DYNC1I1: variants seen among roughly 807,000 people sequenced by gnomAD.
The protein encoded by DYNC1I1 is dynein cytoplasmic 1 intermediate chain 1.
Under a neutral mutation model 86.6 loss-of-function variants are expected in DYNC1I1, and 43 were observed. The ratio of observed to expected loss-of-function variants is 0.50; its 90% CI spans 0.39 to 0.64. The LOEUF (loss-of-function observed/expected upper bound fraction) is 0.64. Among genes scored for constraint, DYNC1I1 ranks in the 30% least tolerant of loss-of-function variants. The pLI, the probability that DYNC1I1 is intolerant of heterozygous loss-of-function variation, is 0.00. For synonymous variants in DYNC1I1, 262 were observed against 283.7 expected (o/e 0.92, Z 0.77); for missense variants, 604 against 788.8 (o/e 0.77, Z 2.81).
At chr7:96,082,384 A>G (rs575971487) in intron 16 of DYNC1I1, among the ~76,000 whole-genome samples, 1 of 152,118 alleles carries the variant, frequency 6.6e-6, no homozygotes, top group Admixed American at 6.5e-5. Context: ...GGAGAGAAAT[A>G]CACATGAAGA....
intron 10 of DYNC1I1, among the ~76,000 whole-genome samples, chr7:96,013,577 G>A (rs956155227): frequency 5.9e-5 from 9 of 152,066 alleles, no homozygotes; most frequent in African/African-American, 1.9e-4. Flanking sequence ...TCTTGCCTCC[G>A]TCTCCCAGGT....
chr7:95,780,226 C>T (rs2065680320), intron 1 of DYNC1I1, among the ~76,000 whole-genome samples: 1 of 151,708 alleles, frequency 6.6e-6, no homozygotes, highest in African/African-American at 2.4e-5. Context: ...AATGATGACA[C>T]AATGTTATAC....
At chr7:96,027,108 G>A (rs1186134513) in intron 10 of DYNC1I1, among the ~76,000 whole-genome samples, 4 of 152,144 alleles carry the variant, frequency 2.6e-5, no homozygotes, top group African/African-American at 9.7e-5. Flanking sequence ...GGCACCGTAT[G>A]GACTGGTAGC....
At chr7:95,964,919 C>T (rs1225596997) in intron 6 of DYNC1I1, among the ~76,000 whole-genome samples, 1 of 152,174 alleles carries the variant, frequency 6.6e-6, no homozygotes. Context: ...GGTGTGAGTT[C>T]TTGACAACAT....
At chr7:95,915,916 T>C (rs930121948) in intron 6 of DYNC1I1, among the ~76,000 whole-genome samples, 41 of 152,216 alleles carry the variant, frequency 2.7e-4, no homozygotes, top group African/African-American at 9.6e-4. Flanking sequence ...CGCTTGGTAG[T>C]CTTTTCATCC....
chr7:96,093,498 C>A (rs1004901298), intron 16 of DYNC1I1, among the ~76,000 whole-genome samples: 1 of 152,106 alleles, frequency 6.6e-6, no homozygotes, highest in Non-Finnish European at 1.5e-5. Context: ...AAAAGGTGAT[C>A]TCTTTTAGAG....
intron 6 of DYNC1I1, among the ~76,000 whole-genome samples, chr7:95,924,720 C>G (rs1215556787): frequency 6.6e-6 from 1 of 152,126 alleles, no homozygotes; most frequent in African/African-American, 2.4e-5. Context: ...TATCCAAAAA[C>G]AAAGATGTGG....
intron 14 of DYNC1I1, among the ~76,000 whole-genome samples, chr7:96,047,345 A>G (rs2116082381): frequency 6.6e-6 from 1 of 152,206 alleles, no homozygotes; most frequent in East Asian, 1.9e-4. Flanking sequence ...AAATATAGAT[A>G]TGACAGTGAT....
chr7:95,777,598 C>T (rs540922489), intron 1 of DYNC1I1, among the ~76,000 whole-genome samples: 190 of 152,280 alleles, frequency 1.2e-3, no homozygotes, highest in African/African-American at 4.2e-3. Flanking sequence ...AACAGTTTTC[C>T]GCTTACCTAT....
intron 6 of DYNC1I1, among the ~76,000 whole-genome samples, chr7:95,938,102 G>A (rs1394251981): frequency 6.6e-6 from 1 of 152,050 alleles, no homozygotes; most frequent in Non-Finnish European, 1.5e-5. Flanking sequence ...CCCTCTTGTT[G>A]AGACCTTAGC....
chr7:95,980,525 G>A (rs796489381), intron 7 of DYNC1I1, among the ~76,000 whole-genome samples: 13 of 127,884 alleles, frequency 1.0e-4, no homozygotes, highest in African/African-American at 3.4e-4. Flanking sequence ...ACACATTTTT[G>A]AGAAATCTGG....
At chr7:95,953,550 T>C (rs972950044) in intron 6 of DYNC1I1, among the ~76,000 whole-genome samples, 2 of 152,206 alleles carry the variant, frequency 1.3e-5, no homozygotes, top group African/African-American at 4.8e-5. Flanking sequence ...CTGTAGGTAT[T>C]GAATATCATA....
intron 6 of DYNC1I1, among the ~76,000 whole-genome samples, chr7:95,908,824 T>TAG (rs1357446017): frequency 6.6e-6 from 1 of 152,144 alleles, no homozygotes; most frequent in Non-Finnish European, 1.5e-5. Flanking sequence ...CATCACCACA[T>TAG]TATCATATCC....
intron 5 of DYNC1I1, among the ~76,000 whole-genome samples, chr7:95,841,730 A>G (rs956292172): frequency 9.9e-5 from 15 of 152,152 alleles, no homozygotes; most frequent in Admixed American, 4.6e-4. Context: ...GGGACTAGTA[A>G]TTGCCTGCCC....
intron 16 of DYNC1I1, among the ~76,000 whole-genome samples, chr7:96,107,456 G>A (rs1408643995): frequency 6.6e-6 from 1 of 151,812 alleles, no homozygotes; most frequent in African/African-American, 2.4e-5. Flanking sequence ...CAGCCTGAAG[G>A]ACTCGCTCTA....
At chr7:95,866,355 G>A (rs1057237489) in intron 5 of DYNC1I1, among the ~76,000 whole-genome samples, 26 of 152,288 alleles carry the variant, frequency 1.7e-4, no homozygotes, top group African/African-American at 6.0e-4. Flanking sequence ...GTTTTAAGAA[G>A]CATGCCTCAA....
At chr7:96,030,142 A>C (rs1584262970) in intron 11 of DYNC1I1, among the ~76,000 whole-genome samples, 1 of 152,220 alleles carries the variant, frequency 6.6e-6, no homozygotes, top group Non-Finnish European at 1.5e-5. Flanking sequence ...AAAGAGGCCC[A>C]CCACAGATTA....
intron 10 of DYNC1I1, among the ~76,000 whole-genome samples, chr7:96,007,964 A>G (rs1794181986): frequency 4.6e-5 from 7 of 152,158 alleles, no homozygotes; most frequent in African/African-American, 1.4e-4. Flanking sequence ...CTGTGTTCCT[A>G]CGGTGAAGTA....
chr7:95,965,743 T>C (rs1792994341), intron 6 of DYNC1I1, among the ~76,000 whole-genome samples: 1 of 152,114 alleles, frequency 6.6e-6, no homozygotes, highest in Admixed American at 6.6e-5. Context: ...ACAAAGAAGA[T>C]ACTCAGTCAT....
Sources: allele counts gnomAD v4.1 joint callset (sites outside exome capture counted in the v4.1 genomes callset), GRCh38; gene constraint gnomAD v4.1.1; transcripts MANE v1.5; gene names NCBI Gene and HGNC (gene_info 2026-07-23, HGNC 2026-07-21).